Variants in LGALS3BP observed in about 807,000 individuals in gnomAD.
LGALS3BP encodes galectin-3-binding protein.
In LGALS3BP, 25 loss-of-function variants were observed where a neutral mutation model predicts 22.9. The ratio of observed to expected loss-of-function variants is 1.09; its 90% CI spans 0.80 to 1.53. LGALS3BP has a LOEUF of 1.53. Among genes scored for constraint, LGALS3BP ranks in the 40% most tolerant of loss-of-function variants. The pLI is 0.00. For synonymous variants in LGALS3BP, 335 were observed against 331.1 expected (o/e 1.01, Z -0.13); for missense variants, 718 against 752.0 (o/e 0.95, Z 0.53).
intron 1 of LGALS3BP, 173 bp downstream of exon 1, chr17:78,979,651 C>T (rs60653700): frequency 0.034 from 5,161 of 152,250 alleles, 185 homozygotes; most frequent in African/African-American, 0.098. Context: ...CTTGGGAGGC[C>T]GAGGCAGGAG....
At position 78,972,340 on chromosome 17, in the gene LGALS3BP, C is replaced by A. The variant is rs1206282011; in HGVS notation, c.994G>T (p.Glu332Ter). ...LKAVDTWSWG[E>*]RASHEEVEGL... ...TCCACCTCCTCATGGGAGGCACGCT[C>A]CCCCCAGCTCCAGGTGTCCACGGCC... The change falls in exon 6 of 6, where the codon GAG becomes TAG. Residue 332 changes from glutamate to a stop codon, truncating the protein, a stop_gained. Transcript: ENST00000262776. LOFTEE classifies it low-confidence loss of function (END_TRUNC). This position sits in a 1 kb window ranked among gnomAD's most constrained non-coding sequence, Gnocchi z 5.1. 1.9e-6 allele frequency: 3 copies of A among 1,613,096 alleles called. No individual in the cohort carries two copies. The highest frequency in any genetic ancestry group is 2.5e-6 in the Non-Finnish European group (3 of 1,179,850).
At chr17:78,979,738 G>A (rs2070749203) in intron 1 of LGALS3BP, 86 bp downstream of exon 1, 1 of 152,242 alleles carries the variant, frequency 6.6e-6, no homozygotes, top group Non-Finnish European at 1.5e-5. Context: ...GTGACAGAGT[G>A]AGACCCTGTC....
intron 1 of LGALS3BP, among the ~76,000 whole-genome samples, chr17:78,978,943 T>C (rs936116416): frequency 3.3e-5 from 5 of 151,996 alleles, no homozygotes; most frequent in Non-Finnish European, 5.9e-5. Context: ...GGCATGGTGG[T>C]GTGCACCTGT....
At chr17:78,975,894 G>A (rs1396997498) in intron 3 of LGALS3BP, 71 bp downstream of exon 3, 1 of 1,128,620 alleles carries the variant, frequency 8.9e-7, no homozygotes, top group Non-Finnish European at 1.2e-6. Context: ...TCGTCTTAGG[G>A]GATTTGCCCC....
chr17:78,972,537 T>G lies in LGALS3BP; in HGVS notation c.797A>C (p.Tyr266Ser). The G allele has an allele frequency of 6.2e-7, 1 of 1,611,370 alleles. No individual in the cohort carries two copies. Among genetic ancestry groups the G allele is most frequent in the Non-Finnish European group, 8.5e-7 (1 of 1,178,388 alleles). ...SFQMPLDLYA[Y>S]AVATGDALLE... ...CAGGGCGTCCCCTGTGGCCACTGCA[T>G]AGGCATACAGGTCCAGGGGCATCTG... Residue 266 changes from tyrosine (Y) to serine (S), a missense_variant, in exon 6 of 6, where the codon TAT (tyrosine) becomes TCT (serine). Transcript: ENST00000262776. This position sits in a 1 kb window ranked among gnomAD's most constrained non-coding sequence, Gnocchi z 5.1.
rs1447816183 is a variant in LGALS3BP at position 78,971,541 on chromosome 17, G to A, written c.*35C>T. The A allele has an allele frequency of 5.7e-6, 9 of 1,586,042 alleles. No homozygotes were observed. The South Asian group carries it at 7.9e-5, about 14-fold the overall frequency. ...GAGCCTGCAGTGAGGGCGTCCTGGG[G>A]TTCTCCGGTTCTCACCACCCTTGGG... On this transcript the variant is annotated 3_prime_UTR_variant, in exon 6 of 6. Coordinates refer to ENST00000262776, the MANE Select transcript of LGALS3BP (RefSeq NM_005567.4). This position sits in a 1 kb window ranked among gnomAD's most constrained non-coding sequence, Gnocchi z 5.6.
At position 78,971,699 on chromosome 17, in the gene LGALS3BP, G is replaced by A. The variant is rs2070672275; in HGVS notation, c.1635C>T (p.Pro545=). ...TCGAGCTGTTGGTGTCCAGGGCACT[G>A]GGAATCGCAGCCTTCCAGCCCTCGA... ...TDFEGWKAAI[P]SALDTNSSKS... Residue 545 remains proline (P), a synonymous_variant, in exon 6 of 6, where the codon CCC becomes CCT. Coordinates refer to ENST00000262776, the MANE Select transcript of LGALS3BP (RefSeq NM_005567.4). The surrounding 1 kb of genome is among the most constrained non-coding windows in gnomAD (Gnocchi z 5.6). The A allele has an allele frequency of 2.5e-6, 4 of 1,613,996 alleles. No homozygotes were observed. Among genetic ancestry groups the A allele is most frequent in the Non-Finnish European group, 2.5e-6 (3 of 1,180,034 alleles).
rs757275843 is a variant in LGALS3BP at position 78,974,709 on chromosome 17, C to T, written c.355G>A (p.Ala119Thr). Residue 119 changes from alanine (A) to threonine (T), a missense_variant, in exon 4 of 6, where the codon GCT (alanine) becomes ACT (threonine). Transcript: ENST00000262776. ...TCACCATTGGTGCAGACCACACCAGCGTCTCTCTCGTGCCTGCAGTTGCTC... is the reference window on the plus strand; with the variant it reads ...TCACCATTGGTGCAGACCACACCAGTGTCTCTCTCGTGCCTGCAGTTGCTC... ...LKSNCRHERD[A>T]GVVCTNETRS... 1.5e-5 allele frequency: 24 copies of T among 1,613,548 alleles called. No individual in the cohort carries two copies. Among genetic ancestry groups the T allele is most frequent in the Admixed American group, 1.0e-4 (6 of 60,006 alleles).
chr17:78,975,553 G>T (rs1158642291), intron 3 of LGALS3BP, among the ~76,000 whole-genome samples: 1 of 152,100 alleles, frequency 6.6e-6, no homozygotes, highest in African/African-American at 2.4e-5. Flanking sequence ...ACTTTGGGAG[G>T]CTGAGGCGGG....
rs1436042560 is a variant in LGALS3BP at position 78,972,339 on chromosome 17, T to TC, written c.994dup (p.Glu332GlyfsTer6). ...CTCCACCTCCTCATGGGAGGCACGC[T>TC]CCCCCCAGCTCCAGGTGTCCACGGC... On this transcript the variant is annotated frameshift_variant, in exon 6 of 6. Transcript: ENST00000262776. LOFTEE classifies it low-confidence loss of function (END_TRUNC). This position sits in a 1 kb window ranked among gnomAD's most constrained non-coding sequence, Gnocchi z 5.1. 5.6e-6 allele frequency: 9 copies of TC among 1,612,784 alleles called. No homozygotes were observed. The highest frequency in any genetic ancestry group is 1.3e-5 in the African/African-American group (1 of 74,816).
In LGALS3BP at chr17:78,973,459, C is replaced by T. The variant is rs1329521747; in HGVS notation, c.377-237G>A. ...TAGGACCTGGCCAAGCCTGTCCAGG[C>T]CCCCGCTTTAGGCCCTCTGCTCTGT... On this transcript the variant is annotated intron_variant, in intron 4 of 5. Transcript: ENST00000262776. The surrounding 1 kb of genome is among the most constrained non-coding windows in gnomAD (Gnocchi z 5.8). 45 of 518,522 alleles carry T rather than the reference C, an allele frequency of 8.7e-5. No homozygotes were observed. Among genetic ancestry groups the T allele is most frequent in the East Asian group, 9.2e-5 (3 of 32,736 alleles). The allele number at this position is 518,522 out of a possible 1,614,324, so 32.1% of individuals were successfully genotyped here. A position where few individuals can be genotyped will look rare whatever the true frequency, so the allele number is the denominator to read the frequency against.
In LGALS3BP at chr17:78,972,544, A is replaced by G. The variant is rs2070682968; in HGVS notation, c.790T>C (p.Tyr264His). ...TCCCCTGTGGCCACTGCATAGGCATACAGGTCCAGGGGCATCTGGAACGAG... is the reference window on the plus strand; with the variant it reads ...TCCCCTGTGGCCACTGCATAGGCATGCAGGTCCAGGGGCATCTGGAACGAG... ...DPSFQMPLDL[Y>H]AYAVATGDAL... The change falls in exon 6 of 6, where the codon TAT (tyrosine) becomes CAT (histidine). Residue 264 changes from tyrosine to histidine, a missense_variant. By Grantham distance (83) the Tyr-to-His change is moderately conservative (BLOSUM62 2). Transcript: ENST00000262776. The surrounding 1 kb of genome is among the most constrained non-coding windows in gnomAD (Gnocchi z 5.1). The G allele has an allele frequency of 1.2e-6, 2 of 1,609,846 alleles. No homozygotes were observed. Among genetic ancestry groups the G allele is most frequent in the African/African-American group, 2.7e-5 (2 of 74,858 alleles).
chr17:78,974,043 T>G (rs1039702902), intron 4 of LGALS3BP, among the ~76,000 whole-genome samples: 5 of 152,184 alleles, frequency 3.3e-5, no homozygotes, highest in African/African-American at 1.2e-4. Flanking sequence ...GAGTCCAGGC[T>G]CAGCTCCAGC....
At chr17:78,978,056 G>A (rs2070735631) in intron 1 of LGALS3BP, among the ~76,000 whole-genome samples, 1 of 152,176 alleles carries the variant, frequency 6.6e-6, no homozygotes, top group Admixed American at 6.5e-5. Context: ...GGTTTCTCTG[G>A]CTCGGTAAGA....
At chr17:78,974,364 C>T (rs146055141) in intron 4 of LGALS3BP, among the ~76,000 whole-genome samples, 2 of 152,296 alleles carry the variant, frequency 1.3e-5, no homozygotes, top group Admixed American at 6.5e-5. Context: ...TATTTCTGAG[C>T]GGACGCTGGC....
chr17:78,977,478 C>T, intron 1 of LGALS3BP: 1 of 405,580 alleles, frequency 2.5e-6, no homozygotes, highest in Non-Finnish European at 4.4e-6. Flanking sequence ...CACCCCCTGG[C>T]AGTAAGGGCA....
chr17:78,978,585 G>A (rs572622797), intron 1 of LGALS3BP, among the ~76,000 whole-genome samples: 27 of 152,368 alleles, frequency 1.8e-4, no homozygotes, highest in East Asian at 7.7e-4. Flanking sequence ...GGGTGTGACC[G>A]CCTGTCCTGT....
intron 3 of LGALS3BP, 64 bp from the exon 4 acceptor site, chr17:78,974,883 G>C (rs1156326999): frequency 1.3e-6 from 2 of 1,585,882 alleles, no homozygotes; most frequent in Admixed American, 1.7e-5. Flanking sequence ...CCCACAGCGC[G>C]ACTCAGCCCT....
Position 78,975,972 on chromosome 17 carries a change from G to A in LGALS3BP, c.237C>T (p.Phe79=), listed in dbSNP as rs779254124. 15 of 1,606,870 alleles carry A rather than the reference G, an allele frequency of 9.3e-6. No individual in the cohort carries two copies. The highest frequency in any genetic ancestry group is 3.4e-5 in the Admixed American group (2 of 59,382). Reference sequence around the variant, plus strand: ...GGGGACAGCAGGCCCTACCTTGCCCGAAGGCAGCTCTGCCCAGAGCCTGGG... The same window carrying A: ...GGGGACAGCAGGCCCTACCTTGCCCAAAGGCAGCTCTGCCCAGAGCCTGGG... ...NATQALGRAA[F]GQGSGPIMLD... The change falls in exon 3 of 6, where the codon TTC becomes TTT. Residue 79 remains phenylalanine (F), a synonymous_variant. Transcript: ENST00000262776.
Sources: gnomAD v4.1 joint callset for allele counts (sites outside exome capture counted in the v4.1 genomes callset) on GRCh38, gnomAD v4.1.1 for gene constraint, Gnocchi (gnomAD v3.1) non-coding constraint, MANE v1.5 for transcripts, NCBI Gene and HGNC (gene_info 2026-07-23, HGNC 2026-07-21) for gene names.